Variants in ASXL1 observed in about 807,000 individuals in gnomAD.
The protein encoded by ASXL1 is ASXL transcriptional regulator 1, also known as polycomb group protein ASXL1.
A neutral mutation model predicts 89.1 loss-of-function variants in ASXL1; 65 were observed. The ratio of observed to expected loss-of-function variants is 0.73; its 90% confidence interval spans 0.60 to 0.90. ASXL1 has a LOEUF of 0.90. Among genes scored for constraint, ASXL1 ranks in the 40% least tolerant of loss-of-function variants. The pLI is 0.00. For synonymous variants in ASXL1, 739 were observed against 746.9 expected (o/e 0.99, Z 0.17); for missense variants, 1,786 against 1,942.9 (o/e 0.92, Z 1.52).
rs1280682119 is a variant in ASXL1 at position 32,436,415 on chromosome 20, T to G, written c.3703T>G (p.Phe1235Val). 1 of 1,613,972 alleles carries G rather than the reference T, an allele frequency of 6.2e-7. No individual in the cohort carries two copies. ...GGAAGAAATGGATTCCAAAGAGCAG[T>G]TCTCTTCCTTTAGTTGTGAAGATCA... Reference protein sequence around the residue: ...KLEEMDSKEQFSSFSCEDQKE... With the variant: ...KLEEMDSKEQVSSFSCEDQKE... The change falls in exon 13 of 13, where the codon TTC becomes GTC. Residue 1235 changes from phenylalanine (F) to valine (V), a missense_variant. Around this residue, in one of 3 missense-constraint regions of ASXL1, gnomAD observed 1,418 missense variants for 1,427.8 expected, o/e 0.99. Transcript: ENST00000375687.
chr20:32,381,811 G>A (rs1297208366), intron 4 of ASXL1, among the ~76,000 whole-genome samples: 2 of 152,116 alleles, frequency 1.3e-5, no homozygotes, highest in Non-Finnish European at 2.9e-5. Flanking sequence ...ACCGCGCCTG[G>A]CCGCCTCTTA....
At chr20:32,421,549 C>CA (rs141063841) in intron 4 of ASXL1, among the ~76,000 whole-genome samples, 50,502 of 151,736 alleles carry the variant, frequency 0.33, 9,942 homozygotes, top group Middle Eastern at 0.52. Context: ...AAAACGTCTC[C>CA]AAAAATTTAC....
At chr20:32,408,074 A>G (rs2048985096) in intron 4 of ASXL1, among the ~76,000 whole-genome samples, 1 of 152,092 alleles carries the variant, frequency 6.6e-6, no homozygotes, top group Non-Finnish European at 1.5e-5. Context: ...AGTAGCTGGG[A>G]TTATAAGCAC....
At chr20:32,401,563 T>TA (rs1240367581) in intron 4 of ASXL1, among the ~76,000 whole-genome samples, 1 of 85,726 alleles carries the variant, frequency 1.2e-5, no homozygotes, top group Non-Finnish European at 2.6e-5. Flanking sequence ...CCCCCCCCCT[T>TA]TTTTTTTTTG....
At position 32,437,401 on chromosome 20, in the gene ASXL1, A is replaced by C. The variant is rs569334217; in HGVS notation, c.*63A>C. The C allele has an allele frequency of 1.6e-4, 255 of 1,586,008 alleles. No homozygotes were observed. The African/African-American group carries it at 3.0e-3, about 19-fold the overall frequency. ...GTGTATTTTGATAATGATTGATCTT[A>C]AATCTGTATACAGAATATCATTGAT... On this transcript the variant is annotated 3_prime_UTR_variant, in exon 13 of 13. Transcript: ENST00000375687.
intron 4 of ASXL1, among the ~76,000 whole-genome samples, chr20:32,369,438 G>A (rs1304410963): frequency 6.6e-6 from 1 of 151,882 alleles, no homozygotes; most frequent in Non-Finnish European, 1.5e-5. Flanking sequence ...TTTTAATAGA[G>A]ACGGGGTTTC....
rs766641615 is a variant in ASXL1 at position 32,366,491 on chromosome 20, C to T, written c.140+25C>T. On this transcript the variant is annotated intron_variant, in intron 2 of 12. Coordinates refer to ENST00000375687, the MANE Select transcript of ASXL1 (RefSeq NM_015338.6). The stretch of plus-strand genomic sequence containing the variant: ...GGTTTGTATTGTTCTTGTTGCTTAA[C>T]ATGAGGGTTTCATAGGATATGTGTC... The T allele has an allele frequency of 1.4e-5, 23 of 1,613,030 alleles. No individual in the cohort carries two copies. The East Asian group carries it at 4.5e-4, about 31-fold the overall frequency.
In ASXL1 at chr20:32,416,179, ATTC is replaced by A. The variant is rs143990388; in HGVS notation, c.253-11943_253-11941del. ...TTTTCTTTGTGTTGGGAACATTAAA[ATTC>A]TTCTTTTCTAGTTATTTTGAAATAT... On this transcript the variant is annotated intron_variant, in intron 4 of 12. Coordinates refer to ENST00000375687, the MANE Select transcript of ASXL1 (RefSeq NM_015338.6). Among the ~76,000 whole-genome samples the A allele has an allele frequency of 1.8e-3, 271 of 152,318 alleles. 3 individuals are homozygous for A. In the East Asian group the frequency reaches 0.05, roughly 28 times the overall value.
chr20:32,380,767 A>C (rs188931824), intron 4 of ASXL1, among the ~76,000 whole-genome samples: 1 of 152,342 alleles, frequency 6.6e-6, no homozygotes, highest in East Asian at 1.9e-4. Flanking sequence ...AAACAAAAAA[A>C]ACCCAAATGA....
chr20:32,367,118 C>T (rs1252188140), intron 2 of ASXL1, among the ~76,000 whole-genome samples: 1 of 151,152 alleles, frequency 6.6e-6, no homozygotes. Flanking sequence ...TGGCCCATGC[C>T]TGTAATCCCA....
At chr20:32,380,187 C>G (rs1055686228) in intron 4 of ASXL1, among the ~76,000 whole-genome samples, 1 of 152,076 alleles carries the variant, frequency 6.6e-6, no homozygotes, top group Non-Finnish European at 1.5e-5. Flanking sequence ...GAGGCTGAGG[C>G]AGGAGAATCC....
chr20:32,371,742 A>G lies in ASXL1; in HGVS notation c.252+2619A>G, dbSNP rs536521383. The G allele has an allele frequency of 9.2e-5, 41 of 445,676 alleles. 2 individuals are homozygous for G. The Middle Eastern group carries it at 4.8e-3, about 53-fold the overall frequency. 27.6% of individuals were successfully genotyped at this position (445,676 alleles called of 1,614,324 possible). ...CACCTCAGCCTCCCGAGTAGCGTAC[A>G]CCATCACCCCAGCTAATTTTTAAAT... On this transcript the variant is annotated intron_variant, in intron 4 of 12. Coordinates refer to ENST00000375687, the MANE Select transcript of ASXL1 (RefSeq NM_015338.6).
chr20:32,385,777 AT>A (rs1246944150), intron 4 of ASXL1, among the ~76,000 whole-genome samples: 1 of 151,990 alleles, frequency 6.6e-6, no homozygotes, highest in Non-Finnish European at 1.5e-5. Context: ...GGCCAGAGGG[AT>A]TTTTTTCAAA....
At chr20:32,428,747 G>A (rs1221247655) in intron 6 of ASXL1, 256 of 296,458 alleles carry the variant, frequency 8.6e-4, no homozygotes, top group Non-Finnish European at 1.4e-3. Context: ...TGCAACCTCT[G>A]CCTCTGGGGT....
At chr20:32,390,482 A>G (rs2048652530) in intron 4 of ASXL1, among the ~76,000 whole-genome samples, 4 of 152,162 alleles carry the variant, frequency 2.6e-5, no homozygotes, top group Admixed American at 2.6e-4. Context: ...TTAATTTAAA[A>G]AAATATATTT....
At chr20:32,359,160 G>T (rs1354093390) in intron 1 of ASXL1, 2 of 667,946 alleles carry the variant, frequency 3.0e-6, no homozygotes, top group Admixed American at 4.3e-5. Context: ...AGCGTCTGGG[G>T]GTCTGGGGCA....
intron 4 of ASXL1, among the ~76,000 whole-genome samples, chr20:32,384,384 T>C (rs1038194973): frequency 6.6e-6 from 1 of 151,844 alleles, no homozygotes; most frequent in Admixed American, 6.6e-5. Context: ...GTATTTTTAA[T>C]AGAGATGGGG....
At position 32,438,987 on chromosome 20, in the gene ASXL1, T is replaced by G. The variant is rs1447123890; in HGVS notation, c.*1649T>G. 8.6e-6 allele frequency: 2 copies of G among 233,612 alleles called. No individual in the cohort carries two copies. Among genetic ancestry groups the G allele is most frequent in the Non-Finnish European group, 1.7e-5 (2 of 118,058 alleles). The allele number at this position is 233,612 out of a possible 1,614,324, so 14.5% of individuals were successfully genotyped here. On this transcript the variant is annotated 3_prime_UTR_variant, in exon 13 of 13. Coordinates refer to ENST00000375687, the MANE Select transcript of ASXL1 (RefSeq NM_015338.6). ...ATTTAGATCAAGTATAAAATTTGTA[T>G]GACTTCAAGTCTCATTTTATCTGAA... is the stretch of plus-strand genomic sequence containing the variant.
At chr20:32,428,648 C>CATT in intron 6 of ASXL1, 1 of 178,538 alleles carries the variant, frequency 5.6e-6, no homozygotes, top group Non-Finnish European at 1.1e-5. Flanking sequence ...TGATTTTGTT[C>CATT]ATTCTTTTTT....
Sources: gnomAD v4.1 joint callset for allele counts (sites outside exome capture counted in the v4.1 genomes callset) on GRCh38, gnomAD v4.1.1 for gene constraint, gnomAD v4.1.1 regional missense constraint, MANE v1.5 for transcripts, NCBI Gene and HGNC (gene_info 2026-07-23, HGNC 2026-07-21) for gene names.